The following MAF variants were observed in gnomAD, a reference collection of about 807,000 sequenced individuals.
MAF encodes the protein MAF bZIP transcription factor, also known as transcription factor Maf.
MAF carries 10 observed loss-of-function variants against 22.0 expected under a neutral mutation model. The ratio of observed to expected loss-of-function variants is 0.45; its 90% CI spans 0.28 to 0.77. MAF has a LOEUF of 0.77. MAF is among the 30% of genes least tolerant of loss of function. MAF has a pLI of 0.12. For missense variants in MAF, 544 were observed against 548.4 expected, an observed-to-expected ratio of 0.99 and a Z score of 0.08; for synonymous variants, 337 against 255.8, an observed-to-expected ratio of 1.32 and a Z score of -3.03.
the MAF span, among the ~76,000 whole-genome samples, chr16:79,443,871 C>A: frequency 6.6e-6 from 1 of 150,540 alleles, no homozygotes; most frequent in Non-Finnish European, 1.5e-5. Context: ...TAAAAACACA[C>A]GGAATATGTC....
the MAF span, among the ~76,000 whole-genome samples, chr16:79,338,446 CT>C: frequency 6.6e-6 from 1 of 152,174 alleles, no homozygotes. Context: ...ATTTTCTACA[CT>C]TTTGGGAGCA....
the MAF span, among the ~76,000 whole-genome samples, chr16:79,278,381 C>T: frequency 5.3e-5 from 8 of 152,142 alleles, no homozygotes; most frequent in African/African-American, 1.2e-4. Context: ...CTTCTGGAAG[C>T]GAAATCCCTG....
chr16:79,411,238 T>C, the MAF span, among the ~76,000 whole-genome samples: 1 of 106,786 alleles, frequency 9.4e-6, no homozygotes, highest in Non-Finnish European at 1.9e-5. Flanking sequence ...TTTCTCGTTA[T>C]TTTTTGTCCC....
chr16:79,473,577 C>G, the MAF span, among the ~76,000 whole-genome samples: 1 of 152,138 alleles, frequency 6.6e-6, no homozygotes, highest in Non-Finnish European at 1.5e-5. Flanking sequence ...CTCCTACCCA[C>G]TGCACGATTC....
chr16:79,266,862 AG>A, the MAF span, among the ~76,000 whole-genome samples: 2 of 152,194 alleles, frequency 1.3e-5, no homozygotes, highest in African/African-American at 2.4e-5. Flanking sequence ...GCTCATGAAG[AG>A]GAGATGAGGA....
chr16:79,546,330 T>A, the MAF span, among the ~76,000 whole-genome samples: 1 of 152,026 alleles, frequency 6.6e-6, no homozygotes, highest in South Asian at 2.1e-4. Flanking sequence ...TATTATAGAC[T>A]CCATCCTGAA....
the MAF span, among the ~76,000 whole-genome samples, chr16:79,337,907 T>A: frequency 6.6e-6 from 1 of 152,142 alleles, no homozygotes; most frequent in African/African-American, 2.4e-5. Context: ...GATGGGAAAC[T>A]ACTTACTTCT....
At chr16:79,244,167 G>A in the MAF span, among the ~76,000 whole-genome samples, 11 of 152,170 alleles carry the variant, frequency 7.2e-5, no homozygotes, top group East Asian at 2.1e-3. Context: ...AGACAAGGAT[G>A]ACCTCTCTCA....
chr16:79,255,590 G>A, the MAF span, among the ~76,000 whole-genome samples: 2 of 152,334 alleles, frequency 1.3e-5, no homozygotes, highest in African/African-American at 4.8e-5. Flanking sequence ...GCTTGTTGGA[G>A]CCCTTAGCTG....
the MAF span, among the ~76,000 whole-genome samples, chr16:79,428,624 G>C: frequency 6.6e-6 from 1 of 152,054 alleles, no homozygotes; most frequent in African/African-American, 2.4e-5. Flanking sequence ...TGGATCACTT[G>C]AGGCCAGGGT....
chr16:79,599,810 T>G lies in MAF; in HGVS notation c.93A>C (p.Glu31Asp). 2 of 1,612,922 alleles carry G rather than the reference T, an allele frequency of 1.2e-6. No homozygotes were observed. Among genetic ancestry groups the G allele is most frequent in the South Asian group, 2.2e-5 (2 of 91,076 alleles). ...YVNDFDLMKF[E>D]VKKEPVETDR... ...CGGTCTCCACCGGTTCCTTTTTCAC[T>G]TCAAACTTCATCAGATCGAAGTCAT... The change falls in exon 1 of 2, where the codon GAA becomes GAC. Residue 31 changes from glutamate (E) to aspartate (D), a missense_variant. Coordinates refer to ENST00000326043, the MANE Select transcript of MAF (RefSeq NM_005360.5).
At chr16:79,391,334 T>C in the MAF span, among the ~76,000 whole-genome samples, 1 of 152,206 alleles carries the variant, frequency 6.6e-6, no homozygotes. Context: ...TTTATTATAC[T>C]AGATTTTTGG....
chr16:79,225,591 C>T, the MAF span, among the ~76,000 whole-genome samples: 1 of 152,098 alleles, frequency 6.6e-6, no homozygotes, highest in Non-Finnish European at 1.5e-5. Context: ...GAACAGGAAA[C>T]CTACAGAATG....
chr16:79,337,822 C>T, the MAF span, among the ~76,000 whole-genome samples: 2 of 152,186 alleles, frequency 1.3e-5, no homozygotes, highest in Non-Finnish European at 2.9e-5. Flanking sequence ...TCTATGCACA[C>T]ACAAGGCTAC....
chr16:79,217,091 T>C, the MAF span, among the ~76,000 whole-genome samples: 2 of 152,258 alleles, frequency 1.3e-5, no homozygotes, highest in African/African-American at 4.8e-5. Context: ...ATTACAGGCA[T>C]GAGCCATCGC....
At chr16:79,219,723 T>C in the MAF span, among the ~76,000 whole-genome samples, 1 of 152,152 alleles carries the variant, frequency 6.6e-6, no homozygotes, top group South Asian at 2.1e-4. Context: ...CCCCGTTCCC[T>C]ACTGTCACTC....
chr16:79,464,338 G>T, the MAF span, among the ~76,000 whole-genome samples: 1 of 152,276 alleles, frequency 6.6e-6, no homozygotes, highest in East Asian at 1.9e-4. Context: ...GTAGGGGCCT[G>T]AGGACCTCAG....
At chr16:79,205,257 A>ACT in the MAF span, 1 of 151,662 alleles carries the variant, frequency 6.6e-6, no homozygotes, top group Non-Finnish European at 1.5e-5. Flanking sequence ...CTGGCACTTT[A>ACT]CTCTCTCTGA....
At chr16:79,292,624 G>GCCC in the MAF span, among the ~76,000 whole-genome samples, 1 of 152,124 alleles carries the variant, frequency 6.6e-6, no homozygotes, top group African/African-American at 2.4e-5. Flanking sequence ...AATAGGGGCT[G>GCCC]GTCACAATGA....
Sources: gnomAD v4.1 joint callset for allele counts (sites outside exome capture counted in the v4.1 genomes callset) on GRCh38, gnomAD v4.1.1 for gene constraint, MANE v1.5 for transcripts, NCBI Gene and HGNC (gene_info 2026-07-23, HGNC 2026-07-21) for gene names.